Variants in EYS observed in about 807,000 individuals in gnomAD.
The protein encoded by EYS is EGF-like photoreceptor maintenance factor.
Under a neutral mutation model 282.1 loss-of-function variants are expected in EYS, and 250 were observed. The observed-to-expected ratio is 0.89, with a 90% CI of 0.80 to 0.98. EYS has a LOEUF of 0.98. Ranked by LOEUF, EYS falls within the 50% of genes least tolerant of loss-of-function variation. The pLI, the probability that EYS is intolerant of heterozygous loss-of-function variation, is 0.00. For synonymous variants in EYS, 1,355 were observed against 1,282.9 expected (o/e 1.06, Z -1.20); for missense variants, 4,016 against 3,709.0 (o/e 1.08, Z -2.15).
At chr6:64,953,444 T>C (rs999957219) in intron 14 of EYS, among the ~76,000 whole-genome samples, 3 of 151,850 alleles carry the variant, frequency 2.0e-5, no homozygotes, top group Non-Finnish European at 2.9e-5. Context: ...ATTGACTTAT[T>C]ATCTCTTTTA....
At chr6:63,826,065 CA>C (rs759034561) in intron 36 of EYS, among the ~76,000 whole-genome samples, 3 of 152,120 alleles carry the variant, frequency 2.0e-5, no homozygotes, top group Non-Finnish European at 4.4e-5. Context: ...AGAAAAAATT[CA>C]GGAAACTTTG....
chr6:65,114,361 A>T (rs1257746408), intron 12 of EYS, among the ~76,000 whole-genome samples: 3 of 136,444 alleles, frequency 2.2e-5, no homozygotes, highest in Non-Finnish European at 4.6e-5. Flanking sequence ...TTGAAAAAAA[A>T]AAAAGCAGCA....
chr6:64,254,001 C>A (rs188778455), intron 30 of EYS, among the ~76,000 whole-genome samples: 2 of 152,234 alleles, frequency 1.3e-5, no homozygotes, highest in East Asian at 1.9e-4. Flanking sequence ...ATTCTGGGAA[C>A]TGTAATCAAC....
At chr6:63,849,758 A>G (rs924178647) in intron 36 of EYS, among the ~76,000 whole-genome samples, 4 of 152,198 alleles carry the variant, frequency 2.6e-5, no homozygotes, top group Non-Finnish European at 4.4e-5. Context: ...AAAAACCAGA[A>G]TGCCTCTTCT....
At chr6:65,184,729 T>C (rs911520563) in intron 12 of EYS, among the ~76,000 whole-genome samples, 4 of 151,760 alleles carry the variant, frequency 2.6e-5, no homozygotes, top group Non-Finnish European at 5.9e-5. Context: ...GTAAGGGTTT[T>C]GTTATTCAGT....
chr6:65,142,504 A>G (rs560524543), intron 12 of EYS, among the ~76,000 whole-genome samples: 4 of 151,602 alleles, frequency 2.6e-5, no homozygotes, highest in Non-Finnish European at 5.9e-5. Context: ...ACACACACAC[A>G]CACACACACA....
Position 63,999,085 on chromosome 6 carries a change from T to C in EYS, c.6824A>G (p.His2275Arg), listed in dbSNP as rs765650947. 10 of 1,547,982 alleles carry C rather than the reference T, an allele frequency of 6.5e-6. No homozygotes were observed. Among genetic ancestry groups the C allele is most frequent in the Middle Eastern group, 3.3e-4 (2 of 6,008 alleles). ...TATTTGCATACCTACCTGAGAGGCA[T>C]GGGAAATCTCTGTGTCTTTCTTCTG... Reference protein sequence around the residue: ...PVQKKDTEISHASQAYFESMF... With the variant: ...PVQKKDTEISRASQAYFESMF... The change falls in exon 34 of 43, where the codon CAT becomes CGT. Residue 2275 changes from histidine to arginine, a missense_variant. Transcript: ENST00000503581.
chr6:64,976,431 T>C (rs541766599), intron 14 of EYS, among the ~76,000 whole-genome samples: 1 of 152,088 alleles, frequency 6.6e-6, no homozygotes, highest in Admixed American at 6.6e-5. Context: ...CTTATAATTC[T>C]GGTGACTGGG....
At chr6:64,867,591 ATCT>A (rs1766463179) in intron 19 of EYS, among the ~76,000 whole-genome samples, 2 of 151,696 alleles carry the variant, frequency 1.3e-5, no homozygotes, top group African/African-American at 4.8e-5. Flanking sequence ...ATAGATGCTT[ATCT>A]TCTTAGCCTG....
At chr6:65,013,201 G>C (rs1310264788) in intron 13 of EYS, among the ~76,000 whole-genome samples, 1 of 152,080 alleles carries the variant, frequency 6.6e-6, no homozygotes, top group Non-Finnish European at 1.5e-5. Context: ...TAATTTAGCT[G>C]TTGCTTTGTA....
chr6:64,067,493 C>A (rs889715967), intron 32 of EYS, among the ~76,000 whole-genome samples: 5 of 152,074 alleles, frequency 3.3e-5, no homozygotes, highest in Admixed American at 2.0e-4. Flanking sequence ...TGTATGGATT[C>A]TTTAAGTCTA....
At chr6:64,998,839 G>A (rs1445358140) in intron 13 of EYS, among the ~76,000 whole-genome samples, 2 of 152,250 alleles carry the variant, frequency 1.3e-5, no homozygotes, top group East Asian at 3.9e-4. Flanking sequence ...ACATTGTGGA[G>A]TGTCATCAAT....
At chr6:63,829,058 G>T (rs749517757) in intron 36 of EYS, among the ~76,000 whole-genome samples, 1 of 152,136 alleles carries the variant, frequency 6.6e-6, no homozygotes, top group African/African-American at 2.4e-5. Context: ...ATTCACAATC[G>T]CAAAATCATG....
intron 12 of EYS, among the ~76,000 whole-genome samples, chr6:65,070,166 A>G (rs1371622959): frequency 6.6e-6 from 1 of 151,950 alleles, no homozygotes; most frequent in Non-Finnish European, 1.5e-5. Context: ...CATTACAAAA[A>G]CAGCGTTCTA....
At chr6:64,158,404 A>G (rs1774999085) in intron 31 of EYS, among the ~76,000 whole-genome samples, 1 of 152,212 alleles carries the variant, frequency 6.6e-6, no homozygotes, top group Non-Finnish European at 1.5e-5. Flanking sequence ...GCTGAGAAAA[A>G]AAACCTACAA....
intron 12 of EYS, among the ~76,000 whole-genome samples, chr6:65,217,863 A>T (rs1410359854): frequency 2.6e-5 from 4 of 152,090 alleles, no homozygotes; most frequent in Non-Finnish European, 5.9e-5. Context: ...CCAGTAGGTT[A>T]AAAATATTAT....
chr6:64,983,549 C>T (rs1770752555), intron 14 of EYS, among the ~76,000 whole-genome samples: 1 of 151,162 alleles, frequency 6.6e-6, no homozygotes, highest in African/African-American at 2.4e-5. Flanking sequence ...TTTAAAAACT[C>T]TTATTACAAT....
chr6:64,032,566 G>A (rs1769904152), intron 33 of EYS, among the ~76,000 whole-genome samples: 1 of 152,176 alleles, frequency 6.6e-6, no homozygotes, highest in Non-Finnish European at 1.5e-5. Flanking sequence ...TAAGGGCTCA[G>A]GCCCACAAGA....
intron 22 of EYS, among the ~76,000 whole-genome samples, chr6:64,704,526 A>G (rs1399091001): frequency 1.4e-5 from 2 of 141,154 alleles, no homozygotes; most frequent in African/African-American, 5.2e-5. Flanking sequence ...TAATTATAAT[A>G]CTTATAATAA....
Sources: gnomAD v4.1 joint callset for allele counts (sites outside exome capture counted in the v4.1 genomes callset) on GRCh38, gnomAD v4.1.1 for gene constraint, MANE v1.5 for transcripts, NCBI Gene and HGNC (gene_info 2026-07-23, HGNC 2026-07-21) for gene names.